HIPK2: variants seen among roughly 807,000 people sequenced by gnomAD.
The protein encoded by HIPK2 is homeodomain-interacting protein kinase 2.
In HIPK2, 27 loss-of-function variants were observed where a neutral mutation model predicts 113.7. The ratio of observed to expected loss-of-function variants is 0.24; its 90% CI spans 0.17 to 0.33. The LOEUF (loss-of-function observed/expected upper bound fraction) is 0.33. Ranked by LOEUF, HIPK2 falls within the 10% of genes least tolerant of loss-of-function variation. The pLI is 1.00. For synonymous variants in HIPK2, 631 were observed against 642.2 expected (o/e 0.98, Z 0.26); for missense variants, 1,257 against 1,588.0 (o/e 0.79, Z 3.54).
chr7:139,650,425 T>C (rs1801416335), intron 2 of HIPK2, among the ~76,000 whole-genome samples: 1 of 151,420 alleles, frequency 6.6e-6, no homozygotes. Context: ...GGGCTGAATA[T>C]TAGGTGCAAA....
chr7:139,615,711 G>A (rs1800016199), intron 7 of HIPK2, among the ~76,000 whole-genome samples: 1 of 152,242 alleles, frequency 6.6e-6, no homozygotes, highest in Admixed American at 6.5e-5. Flanking sequence ...AGAATTTCAA[G>A]TAGGGTGTGT....
At chr7:139,610,685 T>C (rs1799784846) in intron 9 of HIPK2, among the ~76,000 whole-genome samples, 1 of 152,184 alleles carries the variant, frequency 6.6e-6, no homozygotes, top group Non-Finnish European at 1.5e-5. Context: ...AACAAACTGT[T>C]CCGGAAAACA....
At chr7:139,700,574 ATTTTCTGAAATCTGCACGT>A (rs1794680167) in intron 2 of HIPK2, among the ~76,000 whole-genome samples, 1 of 152,068 alleles carries the variant, frequency 6.6e-6, no homozygotes, top group Non-Finnish European at 1.5e-5. Context: ...TCCACGCTGT[ATTTTCTGAAATCTGCACGT>A]TTACAGTTAA....
At chr7:139,611,208 C>CA (rs1346595709) in intron 9 of HIPK2, among the ~76,000 whole-genome samples, 1 of 152,152 alleles carries the variant, frequency 6.6e-6, no homozygotes, top group African/African-American at 2.4e-5. Context: ...TTTTATGAGC[C>CA]TGGTGTAACC....
At chr7:139,653,763 C>T (rs549981988) in intron 2 of HIPK2, among the ~76,000 whole-genome samples, 12 of 151,558 alleles carry the variant, frequency 7.9e-5, no homozygotes, top group Admixed American at 5.9e-4. Flanking sequence ...GATGGAGTCT[C>T]GCTCTGTCGC....
Position 139,766,596 on chromosome 7 carries a change from A to G in HIPK2, c.19+11009T>C, listed in dbSNP as rs572418346. Among the ~76,000 whole-genome samples the G allele has an allele frequency of 6.6e-5, 10 of 152,320 alleles. No homozygotes were observed. In the South Asian group the frequency reaches 1.9e-3, roughly 28 times the overall value. ...CTTCTTACCGGAGTCAGTCTTGCACATGGCATGGATCACTCTAACTTACCT... is the reference window on the plus strand; with the variant it reads ...CTTCTTACCGGAGTCAGTCTTGCACGTGGCATGGATCACTCTAACTTACCT... On this transcript the variant is annotated intron_variant, in intron 1 of 14. Transcript: ENST00000406875.
At chr7:139,753,839 C>T (rs961145738) in intron 1 of HIPK2, among the ~76,000 whole-genome samples, 1 of 152,222 alleles carries the variant, frequency 6.6e-6, no homozygotes, top group Non-Finnish European at 1.5e-5. Flanking sequence ...TTTAATTATG[C>T]CAATTGTGAG....
chr7:139,670,399 C>T (rs987255699), intron 2 of HIPK2, among the ~76,000 whole-genome samples: 1 of 148,806 alleles, frequency 6.7e-6, no homozygotes, highest in Non-Finnish European at 1.5e-5. Context: ...GCCAGGGCAT[C>T]ATAACGAGAG....
intron 1 of HIPK2, among the ~76,000 whole-genome samples, chr7:139,736,179 G>A (rs1383139624): frequency 6.6e-6 from 1 of 152,164 alleles, no homozygotes; most frequent in Non-Finnish European, 1.5e-5. Context: ...GAGGCGATAG[G>A]AACCTGCAGG....
At chr7:139,761,873 A>C (rs958484367) in intron 1 of HIPK2, among the ~76,000 whole-genome samples, 1 of 152,200 alleles carries the variant, frequency 6.6e-6, no homozygotes, top group Non-Finnish European at 1.5e-5. Flanking sequence ...GGTTAAAAAA[A>C]TGTGCACACA....
At position 139,657,403 on chromosome 7, in the gene HIPK2, C is replaced by T. The variant is rs143338215; in HGVS notation, c.1104-25678G>A. 7.2e-5 allele frequency among the ~76,000 whole-genome samples: 11 copies of T among 152,264 alleles called. No individual in the cohort carries two copies. The East Asian group carries it at 1.9e-3, about 27-fold the overall frequency. ...AATGTTCCTTCAGACCTCGTCCATT[C>T]GATTTTTCACTGTATTGGTCCCAAA... On this transcript the variant is annotated intron_variant, in intron 2 of 14. Coordinates refer to ENST00000406875, the MANE Select transcript of HIPK2 (RefSeq NM_022740.5).
intron 2 of HIPK2, among the ~76,000 whole-genome samples, chr7:139,652,473 G>T (rs80161208): frequency 0.075 from 11,390 of 152,240 alleles, 528 homozygotes; most frequent in South Asian, 0.18. Flanking sequence ...AGTCATGGTT[G>T]CTGTTCTCAA....
rs71170913 is a variant in HIPK2 at position 139,732,819 on chromosome 7, ATG to A, written c.20-15806_20-15805del. On this transcript the variant is annotated intron_variant, in intron 1 of 14. Transcript: ENST00000406875. ...AATATATATAACATATTATATATAT[ATG>A]TGTGTGTGTGTGTGTGTGTGTGTAT... Among the ~76,000 whole-genome samples, 703 of 144,904 alleles carry A rather than the reference ATG, an allele frequency of 4.9e-3. 6 individuals carry two copies. The highest frequency in any genetic ancestry group is 0.029 in the Middle Eastern group (8 of 280).
chr7:139,638,786 T>A (rs1040086320), intron 2 of HIPK2, among the ~76,000 whole-genome samples: 3 of 151,424 alleles, frequency 2.0e-5, no homozygotes, highest in African/African-American at 7.3e-5. Context: ...GCCTCCTGAG[T>A]AGTTGGGACT....
intron 2 of HIPK2, among the ~76,000 whole-genome samples, chr7:139,701,893 A>G (rs2116852303): frequency 6.6e-6 from 1 of 152,232 alleles, no homozygotes; most frequent in East Asian, 1.9e-4. Flanking sequence ...ACTGGAACGG[A>G]CGGTGAGCAG....
In HIPK2 at chr7:139,614,297, G is replaced by A; in HGVS notation, c.1979C>T (p.Pro660Leu). ...CTGCTCAATCTTACCTTGGAAGCCG[G>A]GGGGACACACGATGAGAGCTTGCTG... ...PFQQALIVCP[P>L]GFQGLQASPS... Residue 660 changes from proline (P) to leucine (L), a missense_variant, in exon 8 of 15, where the codon CCC (proline) becomes CTC (leucine). Transcript: ENST00000406875. 6.6e-7 allele frequency: 1 copy of A among 1,516,868 alleles called. No homozygotes were observed. The highest frequency in any genetic ancestry group is 8.9e-7 in the Non-Finnish European group (1 of 1,119,206). 94.0% of individuals were successfully genotyped at this position (1,516,868 alleles called of 1,614,324 possible).
Position 139,573,249 on chromosome 7 carries a change from G to T in HIPK2, c.3275C>A (p.Ala1092Asp). ...TVHPHLAAAA[A>D]AAHLPTQPHL... The stretch of plus-strand genomic sequence containing the variant: ...GGGCTGGGTGGGGAGGTGGGCAGCG[G>T]CAGCGGCTGCAGCCAGATGCGGGTG... Residue 1092 changes from alanine to aspartate, a missense_variant, in exon 15 of 15, where the codon GCC becomes GAC. Transcript: ENST00000406875. 1.2e-6 allele frequency: 2 copies of T among 1,603,914 alleles called. No individual in the cohort carries two copies. The highest frequency in any genetic ancestry group is 4.5e-5 in the East Asian group (2 of 44,846).
At position 139,613,152 on chromosome 7, in the gene HIPK2, A is replaced by G. The variant is rs1280927856; in HGVS notation, c.2112+50T>C. 1 of 1,607,990 alleles carries G rather than the reference A, an allele frequency of 6.2e-7. No individual in the cohort carries two copies. Among genetic ancestry groups the G allele is most frequent in the Admixed American group, 1.7e-5 (1 of 59,572 alleles). The stretch of plus-strand genomic sequence containing the variant: ...GAGATATATATCTTTTGTGAACAAC[A>G]TTAACACAGGTAATGGTAATACCAG... On this transcript the variant is annotated intron_variant, in intron 9 of 14. Transcript: ENST00000406875. The surrounding 1 kb of genome is among the most constrained non-coding windows in gnomAD (Gnocchi z 4.2).
At chr7:139,582,631 C>T (rs1369597222) in intron 13 of HIPK2, among the ~76,000 whole-genome samples, 1 of 152,248 alleles carries the variant, frequency 6.6e-6, no homozygotes, top group African/African-American at 2.4e-5. Context: ...AAGAGCTTCG[C>T]CGCAAATGTC....
Sources: allele counts gnomAD v4.1 joint callset (sites outside exome capture counted in the v4.1 genomes callset), GRCh38; gene constraint gnomAD v4.1.1; non-coding constraint Gnocchi (gnomAD v3.1); transcripts MANE v1.5; gene names NCBI Gene and HGNC (gene_info 2026-07-23, HGNC 2026-07-21).